The following DNAJC15 variants were observed in gnomAD, a reference collection of about 807,000 sequenced individuals.
The protein encoded by DNAJC15 is DnaJ heat shock protein family (Hsp40) member C15.
DNAJC15 carries 27 observed loss-of-function variants against 22.4 expected under a neutral mutation model. The observed-to-expected ratio is 1.20, with a 90% confidence interval of 0.89 to 1.66. The LOEUF is 1.66. Among genes scored for constraint, DNAJC15 ranks in the 40% most tolerant of loss-of-function variants. The probability of loss-of-function intolerance (pLI) is 0.00; values close to 1 mark genes in which losing one functional copy is unlikely to be tolerated. For missense variants in DNAJC15, 208 were observed against 187.1 expected (o/e 1.11, Z -0.65); for synonymous variants, 79 against 63.2 (o/e 1.25, Z -1.19).
At chr13:43,080,462 A>C (rs1376653898) in intron 4 of DNAJC15, among the ~76,000 whole-genome samples, 1 of 152,158 alleles carries the variant, frequency 6.6e-6, no homozygotes, top group Non-Finnish European at 1.5e-5. Flanking sequence ...TCTACCACTG[A>C]TGGGCATTTA....
intron 5 of DNAJC15, among the ~76,000 whole-genome samples, chr13:43,105,210 C>A (rs9525742): frequency 0.23 from 34,739 of 151,886 alleles, 4,551 homozygotes; most frequent in Non-Finnish European, 0.31. Context: ...TCACAGGCTG[C>A]CACTAGAACT....
intron 3 of DNAJC15, among the ~76,000 whole-genome samples, chr13:43,074,431 A>C (rs2153441180): frequency 1.3e-5 from 2 of 152,314 alleles, no homozygotes; most frequent in Middle Eastern, 6.8e-3. Context: ...TTTTCAGAAA[A>C]AAAGGACCAT....
chr13:43,069,940 C>T (rs1040971480), intron 3 of DNAJC15, among the ~76,000 whole-genome samples: 2 of 151,938 alleles, frequency 1.3e-5, no homozygotes, highest in Admixed American at 6.6e-5. Context: ...TCAAAACTTA[C>T]CAGAAAGACT....
intron 1 of DNAJC15, among the ~76,000 whole-genome samples, chr13:43,029,615 T>C (rs1483304988): frequency 1.3e-5 from 2 of 152,062 alleles, no homozygotes; most frequent in Non-Finnish European, 2.9e-5. Flanking sequence ...TTCATGGTAG[T>C]GGAACATTTA....
At position 43,108,076 on chromosome 13, in the gene DNAJC15, G is replaced by A. The variant is rs1400784745; in HGVS notation, c.*828G>A. ...GAACCAAAGGAACTTATATGTAGAG[G>A]AAGGATAAATCACAAATAGTGAATA... On this transcript the variant is annotated 3_prime_UTR_variant, in exon 6 of 6. Coordinates refer to ENST00000379221, the MANE Select transcript of DNAJC15 (RefSeq NM_013238.3). 6.6e-6 allele frequency: 1 copy of A among 152,612 alleles called. No homozygotes were observed. The highest frequency in any genetic ancestry group is 6.5e-5 in the Admixed American group (1 of 15,276). 9.5% of individuals were successfully genotyped at this position (152,612 alleles called of 1,614,324 possible). A position where few individuals can be genotyped will look rare whatever the true frequency, so the allele number is the denominator to read the frequency against.
intron 4 of DNAJC15, among the ~76,000 whole-genome samples, chr13:43,080,338 G>GC (rs2040655980): frequency 6.6e-6 from 1 of 152,126 alleles, no homozygotes; most frequent in African/African-American, 2.4e-5. Flanking sequence ...GCATTAGTTT[G>GC]CTGAGGATAA....
chr13:43,079,413 A>T (rs9594879), intron 4 of DNAJC15, among the ~76,000 whole-genome samples: 37,294 of 152,074 alleles, frequency 0.25, 4,945 homozygotes, highest in Non-Finnish European at 0.31. Flanking sequence ...AAGATTTTTT[A>T]AAAAGCCAAA....
chr13:43,068,959 C>T lies in DNAJC15; in HGVS notation c.190C>T (p.Leu64=). ...CTACGCATTTCGGATCTGGAAACCTCTAGAACAAGTTATCACAGAAACTGC... is the reference window on the plus strand; with the variant it reads ...CTACGCATTTCGGATCTGGAAACCTTTAGAACAAGTTATCACAGAAACTGC... ...GRYAFRIWKP[L]EQVITETAKK... is the part of the protein sequence containing the mutation. The change falls in exon 3 of 6, where the codon CTA becomes TTA. Residue 64 remains leucine, a synonymous_variant. Transcript: ENST00000379221. 6.2e-7 allele frequency: 1 copy of T among 1,613,100 alleles called. No homozygotes were observed.
At chr13:43,082,401 A>G (rs1489593961) in intron 4 of DNAJC15, among the ~76,000 whole-genome samples, 1 of 152,184 alleles carries the variant, frequency 6.6e-6, no homozygotes, top group Non-Finnish European at 1.5e-5. Context: ...ATGTTGTTTA[A>G]TCTTTACAGC....
intron 5 of DNAJC15, among the ~76,000 whole-genome samples, chr13:43,096,385 C>T (rs974194578): frequency 2.0e-5 from 3 of 152,108 alleles, no homozygotes; most frequent in African/African-American, 7.2e-5. Context: ...AATATTTATC[C>T]AGCTGTACTG....
intron 1 of DNAJC15, among the ~76,000 whole-genome samples, chr13:43,046,962 G>T (rs2040480283): frequency 6.6e-6 from 1 of 152,116 alleles, no homozygotes; most frequent in African/African-American, 2.4e-5. Flanking sequence ...CTGGTTGCTG[G>T]GTTCCACCGT....
intron 5 of DNAJC15, among the ~76,000 whole-genome samples, chr13:43,099,808 T>A (rs2040758576): frequency 6.6e-6 from 1 of 150,694 alleles, no homozygotes; most frequent in South Asian, 2.1e-4. Context: ...TTATATATTC[T>A]TTTTATATGT....
chr13:43,063,202 G>T (rs2040567557), intron 1 of DNAJC15, among the ~76,000 whole-genome samples: 1 of 152,140 alleles, frequency 6.6e-6, no homozygotes, highest in Non-Finnish European at 1.5e-5. Flanking sequence ...TAGAGACGGG[G>T]TTTCACCATG....
At chr13:43,100,321 C>A (rs966510407) in intron 5 of DNAJC15, among the ~76,000 whole-genome samples, 1 of 151,344 alleles carries the variant, frequency 6.6e-6, no homozygotes, top group Non-Finnish European at 1.5e-5. Context: ...GATCCTTCCA[C>A]CTTAGCCTCC....
rs756740765 is a variant in DNAJC15 at position 43,085,774 on chromosome 13, T to C, written c.318T>C (p.Ser106=). Residue 106 remains serine (S), a synonymous_variant, in exon 5 of 6, where the codon TCT becomes TCC. Coordinates refer to ENST00000379221, the MANE Select transcript of DNAJC15 (RefSeq NM_013238.3). The stretch of plus-strand genomic sequence containing the variant: ...CTGTAATTTCTTTTTACAGCCCATC[T>C]GCTGGCAAGGCTAAGATTAGAACAG... The part of the protein sequence containing the change: ...EAGLILGVSP[S]AGKAKIRTAH... The C allele has an allele frequency of 6.2e-7, 1 of 1,612,548 alleles. No homozygotes were observed. The highest frequency in any genetic ancestry group is 1.1e-5 in the South Asian group (1 of 90,512).
rs893104440 is a variant in DNAJC15, at chr13:43,110,014, A to T, written c.*2766A>T. The T allele has an allele frequency of 2.6e-5, 4 of 152,208 alleles. No individual in the cohort carries two copies. The highest frequency in any genetic ancestry group is 9.7e-5 in the African/African-American group (4 of 41,448). The allele number at this position is 152,208 out of a possible 1,614,324, so 9.4% of individuals were successfully genotyped here. On this transcript the variant is annotated 3_prime_UTR_variant, in exon 6 of 6. Transcript: ENST00000379221. Reference sequence around the variant, plus strand: ...TTATCTTTAATAATACCTTGGATTCAGGGTAAAGTTTCAGTTATGTCCCAG... The same window carrying T: ...TTATCTTTAATAATACCTTGGATTCTGGGTAAAGTTTCAGTTATGTCCCAG...
intron 1 of DNAJC15, among the ~76,000 whole-genome samples, chr13:43,041,203 G>A (rs970236329): frequency 1.1e-4 from 16 of 152,200 alleles, no homozygotes; most frequent in African/African-American, 3.9e-4. Flanking sequence ...AGAGGTCTCT[G>A]CAGGGTTTTG....
intron 1 of DNAJC15, among the ~76,000 whole-genome samples, chr13:43,056,169 T>A (rs1013171213): frequency 1.5e-4 from 23 of 151,582 alleles, no homozygotes; most frequent in African/African-American, 5.1e-4. Context: ...TTTTTTTTTT[T>A]AGAAGGAGTT....
At chr13:43,079,823 A>G (rs924771169) in intron 4 of DNAJC15, among the ~76,000 whole-genome samples, 3 of 152,148 alleles carry the variant, frequency 2.0e-5, no homozygotes, top group South Asian at 4.1e-4. Context: ...TTCTCTTAAG[A>G]TATATATTTA....
Sources: allele counts gnomAD v4.1 joint callset (sites outside exome capture counted in the v4.1 genomes callset), GRCh38; gene constraint gnomAD v4.1.1; transcripts MANE v1.5; gene names NCBI Gene and HGNC (gene_info 2026-07-23, HGNC 2026-07-21).